Variants in ALPK2 observed in about 807,000 individuals in gnomAD.
The protein encoded by ALPK2 is alpha kinase 2, also known as alpha-protein kinase 2.
In ALPK2, 127 loss-of-function variants were observed where a neutral mutation model predicts 163.1. The observed-to-expected ratio is 0.78, with a 90% CI of 0.67 to 0.90. ALPK2 has a LOEUF of 0.90. Among genes scored for constraint, ALPK2 ranks in the 40% least tolerant of loss-of-function variants. The pLI, the probability that ALPK2 is intolerant of heterozygous loss-of-function variation, is 0.00. For missense variants in ALPK2, 2,360 were observed against 2,589.6 expected, an observed-to-expected ratio of 0.91 and a Z score of 1.92; for synonymous variants, 953 against 959.1, an observed-to-expected ratio of 0.99 and a Z score of 0.12.
chr18:58,508,542 A>G (rs944586034), intron 10 of ALPK2, among the ~76,000 whole-genome samples: 1 of 152,236 alleles, frequency 6.6e-6, no homozygotes. Flanking sequence ...ACCAAAACCA[A>G]GATGGCGACA....
At chr18:58,538,262 T>C (rs780603027) in intron 4 of ALPK2, 38 bp from the exon 5 acceptor site, 4 of 1,565,292 alleles carry the variant, frequency 2.6e-6, no homozygotes, top group African/African-American at 1.3e-5. Flanking sequence ...GAATTGTTCA[T>C]GGGAGAGCCC....
intron 10 of ALPK2, among the ~76,000 whole-genome samples, chr18:58,513,980 G>T (rs1602195179): frequency 6.6e-6 from 1 of 152,234 alleles, no homozygotes; most frequent in East Asian, 1.9e-4. Context: ...TCTGTGTGTG[G>T]TAGGGTTGAC....
intron 8 of ALPK2, among the ~76,000 whole-genome samples, chr18:58,523,255 T>C (rs898727947): frequency 4.6e-5 from 7 of 151,952 alleles, no homozygotes; most frequent in African/African-American, 1.7e-4. Context: ...CATCATTTTT[T>C]ATGGTTGCAT....
chr18:58,595,194 C>T (rs2052035008), intron 3 of ALPK2, among the ~76,000 whole-genome samples: 1 of 152,180 alleles, frequency 6.6e-6, no homozygotes, highest in Non-Finnish European at 1.5e-5. Context: ...GAGAGACCTT[C>T]CCACCGTCAT....
rs752137213 is a variant in ALPK2 at position 58,536,432 on chromosome 18, C to T, written c.3755G>A (p.Arg1252Gln). 22 of 1,613,980 alleles carry T rather than the reference C, an allele frequency of 1.4e-5. No homozygotes were observed. Among genetic ancestry groups the T allele is most frequent in the East Asian group, 2.2e-5 (1 of 44,902 alleles). ...CTTGCTCTCAGAATTTGTCAGTTGT[C>T]GTGGTGGCCAGATTTCAGAAGCGGA... ...EASASEIWPPRQLTNSESKAS... is the reference protein window; with the variant it reads ...EASASEIWPPQQLTNSESKAS... The change falls in exon 5 of 13, where the codon CGA (arginine) becomes CAA (glutamine). Residue 1252 changes from arginine (R) to glutamine (Q), a missense_variant. Arg to Gln is a conservative substitution (Grantham distance 43). Coordinates refer to ENST00000361673, the MANE Select transcript of ALPK2 (RefSeq NM_052947.4).
chr18:58,573,613 C>CTTTTGTTTTTTTT (rs2051902473), intron 4 of ALPK2, among the ~76,000 whole-genome samples: 1 of 51,728 alleles, frequency 1.9e-5, no homozygotes, highest in East Asian at 9.5e-4. Flanking sequence ...TTTTTGTCTT[C>CTTTTGTTTTTTTT]TTTTTTTTTT....
intron 4 of ALPK2, among the ~76,000 whole-genome samples, chr18:58,568,601 T>TATCCGTGGG (rs1412751347): frequency 6.6e-6 from 1 of 152,216 alleles, no homozygotes; most frequent in Non-Finnish European, 1.5e-5. Flanking sequence ...TTAGCCTCTG[T>TATCCGTGGG]ATCCGTGGGT....
intron 8 of ALPK2, among the ~76,000 whole-genome samples, chr18:58,521,627 C>T (rs200410838): frequency 0.033 from 1,832 of 55,236 alleles, 83 homozygotes; most frequent in Non-Finnish European, 0.047. Flanking sequence ...TTCTCTCTCT[C>T]TTTTTTTTTT....
At position 58,579,210 on chromosome 18, in the gene ALPK2, T is replaced by C. The variant is rs12606191; in HGVS notation, c.1566A>G (p.Gly522=). The change falls in exon 4 of 13, where the codon GGA becomes GGG. Residue 522 remains glycine, a synonymous_variant. Coordinates refer to ENST00000361673, the MANE Select transcript of ALPK2 (RefSeq NM_052947.4). ...WETAADKRVG[G]KDLWSKRGSR... ...AACCCCTCTTGCTCCATAAGTCCTTTCCCCCCACTCTCTTGTCAGCTGCCG... is the reference window on the plus strand; with the variant it reads ...AACCCCTCTTGCTCCATAAGTCCTTCCCCCCCACTCTCTTGTCAGCTGCCG... 566,071 of 1,613,782 alleles carry C rather than the reference T, an allele frequency of 0.35. 103,204 individuals carry two copies. Among genetic ancestry groups the C allele is most frequent in the East Asian group, 0.58 (26,161 of 44,864 alleles).
intron 1 of ALPK2, among the ~76,000 whole-genome samples, chr18:58,617,786 A>C (rs1010052609): frequency 6.6e-6 from 1 of 152,248 alleles, no homozygotes; most frequent in African/African-American, 2.4e-5. Flanking sequence ...CTTAATAATA[A>C]GTTTTGGCAA....
At chr18:58,504,710 A>G (rs1227933829) in intron 10 of ALPK2, among the ~76,000 whole-genome samples, 1 of 152,202 alleles carries the variant, frequency 6.6e-6, no homozygotes, top group South Asian at 2.1e-4. Context: ...AAGTAAATGC[A>G]TGGTGCTAAG....
At chr18:58,529,677 A>G (rs73445158) in intron 5 of ALPK2, among the ~76,000 whole-genome samples, 1,872 of 152,350 alleles carry the variant, frequency 0.012, 41 homozygotes, top group African/African-American at 0.043. Context: ...AGCCCCCAAA[A>G]TGTAAAAGAC....
intron 11 of ALPK2, among the ~76,000 whole-genome samples, chr18:58,499,348 G>C (rs2051419624): frequency 6.6e-6 from 1 of 152,148 alleles, no homozygotes; most frequent in Admixed American, 6.5e-5. Context: ...CTATCCCACT[G>C]TTTTCCACTG....
chr18:58,625,431 G>A (rs774154576), intron 1 of ALPK2, among the ~76,000 whole-genome samples: 7 of 152,240 alleles, frequency 4.6e-5, no homozygotes, highest in Non-Finnish European at 8.8e-5. Flanking sequence ...ACTGCAGGCC[G>A]AAGAAATGGC....
At chr18:58,553,829 G>A (rs1188746612) in intron 4 of ALPK2, among the ~76,000 whole-genome samples, 1 of 145,646 alleles carries the variant, frequency 6.9e-6, no homozygotes, top group Non-Finnish European at 1.5e-5. Flanking sequence ...CCAGTCTCGA[G>A]CAGTTGGGGT....
chr18:58,531,743 T>G (rs925018268), intron 5 of ALPK2, among the ~76,000 whole-genome samples: 1 of 147,360 alleles, frequency 6.8e-6, no homozygotes, highest in Non-Finnish European at 1.5e-5. Context: ...ATCTAGACCA[T>G]CCTGGCCAAC....
intron 3 of ALPK2, among the ~76,000 whole-genome samples, chr18:58,588,278 T>C (rs1441581545): frequency 2.0e-5 from 3 of 152,228 alleles, no homozygotes; most frequent in South Asian, 2.1e-4. Context: ...AAATGCAGAA[T>C]TCTATGGCAA....
intron 10 of ALPK2, among the ~76,000 whole-genome samples, chr18:58,509,035 TC>T (rs1412636963): frequency 2.2e-5 from 1 of 44,628 alleles, no homozygotes; most frequent in African/African-American, 9.4e-5. Flanking sequence ...CCCTCCCCCC[TC>T]CCCCCACCCC....
intron 10 of ALPK2, among the ~76,000 whole-genome samples, chr18:58,512,685 G>A (rs2051496443): frequency 6.7e-6 from 1 of 148,286 alleles, no homozygotes; most frequent in South Asian, 2.2e-4. Flanking sequence ...GTATGTGTGT[G>A]GTATGTTCGT....
Sources: gnomAD v4.1 joint callset for allele counts (sites outside exome capture counted in the v4.1 genomes callset) on GRCh38, gnomAD v4.1.1 for gene constraint, MANE v1.5 for transcripts, NCBI Gene and HGNC (gene_info 2026-07-23, HGNC 2026-07-21) for gene names.